Variants in FOXP1 observed in about 807,000 individuals in gnomAD.
The protein encoded by FOXP1 is forkhead box P1, also known as forkhead box protein P1.
In FOXP1, 15 loss-of-function variants were observed where a neutral mutation model predicts 98.2. The observed-to-expected ratio is 0.15, with a 90% confidence interval of 0.10 to 0.24. FOXP1 has a LOEUF of 0.24. Ranked by LOEUF, FOXP1 falls within the 10% of genes least tolerant of loss-of-function variation. The pLI is 1.00. For missense variants in FOXP1, 633 were observed against 848.5 expected (o/e 0.75, Z 3.15); for synonymous variants, 371 against 314.5 (o/e 1.18, Z -1.90).
In FOXP1 at chr3:70,959,410, G is replaced by A. The variant is rs775231831; in HGVS notation, c.1890-19C>T. The A allele has an allele frequency of 3.1e-6, 5 of 1,613,740 alleles. No individual in the cohort carries two copies. Among genetic ancestry groups the A allele is most frequent in the South Asian group, 1.1e-5 (1 of 91,062 alleles). On this transcript the variant is annotated intron_variant, in intron 20 of 20. Coordinates refer to ENST00000649528, the MANE Select transcript of FOXP1 (RefSeq NM_001349338.3). Reference sequence around the variant, plus strand: ...AGGATGCCTGGAAAAAATATGCAGAGGTTCAGTGAGGGTACTTCCCAGCCC... The same window carrying A: ...AGGATGCCTGGAAAAAATATGCAGAAGTTCAGTGAGGGTACTTCCCAGCCC...
chr3:71,046,205 T>C lies in FOXP1; in HGVS notation c.664+737A>G, dbSNP rs553144944. ...CAGAGTTGCTTAAACCAAGAGGATGTCCTAAAAACACCTAGAGTTCCCATT... is the reference window on the plus strand; with the variant it reads ...CAGAGTTGCTTAAACCAAGAGGATGCCCTAAAAACACCTAGAGTTCCCATT... On this transcript the variant is annotated intron_variant, in intron 10 of 20. Coordinates refer to ENST00000649528, the MANE Select transcript of FOXP1 (RefSeq NM_001349338.3). Among the ~76,000 whole-genome samples the C allele has an allele frequency of 2.4e-4, 37 of 152,308 alleles. No homozygotes were observed. In the South Asian group the frequency reaches 7.7e-3, roughly 32 times the overall value.
intron 3 of FOXP1, among the ~76,000 whole-genome samples, chr3:71,462,514 TC>T (rs1361159551): frequency 6.6e-6 from 1 of 152,160 alleles, no homozygotes; most frequent in East Asian, 1.9e-4. Context: ...AAGTTCTCCT[TC>T]TTGGTAAGCT....
At chr3:71,541,565 A>G (rs1401646964) in intron 2 of FOXP1, among the ~76,000 whole-genome samples, 2 of 152,220 alleles carry the variant, frequency 1.3e-5, no homozygotes, top group Non-Finnish European at 2.9e-5. Context: ...TTGAAATGTG[A>G]GGAGAGAAGC....
chr3:71,016,872 C>G (rs1292667844), intron 11 of FOXP1, among the ~76,000 whole-genome samples: 1 of 152,046 alleles, frequency 6.6e-6, no homozygotes, highest in Non-Finnish European at 1.5e-5. Context: ...AGTAAACACA[C>G]AGACACACAG....
chr3:71,341,189 C>T (rs998552845), intron 4 of FOXP1, among the ~76,000 whole-genome samples: 4 of 152,146 alleles, frequency 2.6e-5, no homozygotes, highest in African/African-American at 9.7e-5. Context: ...ACACTCTTCT[C>T]AAGGACACTC....
intron 18 of FOXP1, chr3:70,971,021 G>C: frequency 1.8e-6 from 1 of 546,988 alleles, no homozygotes; most frequent in Non-Finnish European, 3.3e-6. Flanking sequence ...AGGAAACTAG[G>C]TGTAAAATTC....
At chr3:71,254,129 A>T (rs1255145696) in intron 5 of FOXP1, among the ~76,000 whole-genome samples, 2 of 152,240 alleles carry the variant, frequency 1.3e-5, no homozygotes, top group Non-Finnish European at 2.9e-5. Flanking sequence ...AAATTTCTAA[A>T]CATTTAACTA....
chr3:71,320,123 A>C (rs1469948472), intron 4 of FOXP1, among the ~76,000 whole-genome samples: 4 of 152,136 alleles, frequency 2.6e-5, no homozygotes, highest in Admixed American at 1.3e-4. Context: ...ACAACGTTCC[A>C]TCAATTCCCA....
chr3:71,555,816 C>G (rs538011728), intron 2 of FOXP1, among the ~76,000 whole-genome samples: 1 of 152,202 alleles, frequency 6.6e-6, no homozygotes, highest in East Asian at 1.9e-4. Context: ...AATTCTAGAA[C>G]TGCGATTTTT....
At chr3:71,071,246 A>G in intron 7 of FOXP1, among the ~76,000 whole-genome samples, 1 of 152,222 alleles carries the variant, frequency 6.6e-6, no homozygotes. Flanking sequence ...TTAAGAACTC[A>G]GGAATGGAAT....
chr3:71,480,719 C>T (rs1577744708), intron 3 of FOXP1, among the ~76,000 whole-genome samples: 2 of 152,294 alleles, frequency 1.3e-5, no homozygotes, highest in East Asian at 3.9e-4. Flanking sequence ...CTCCTCAAAT[C>T]TTTCATAGCT....
intron 12 of FOXP1, among the ~76,000 whole-genome samples, chr3:71,012,996 T>C (rs1290704657): frequency 1.3e-5 from 2 of 152,234 alleles, no homozygotes; most frequent in Non-Finnish European, 2.9e-5. Flanking sequence ...ATTATGAATA[T>C]ATTTATATGA....
chr3:71,541,198 C>T (rs1470155661), intron 2 of FOXP1, among the ~76,000 whole-genome samples: 17 of 152,216 alleles, frequency 1.1e-4, no homozygotes, highest in Admixed American at 1.1e-3. Flanking sequence ...ACTTTCATCG[C>T]ACACCTATTT....
At chr3:71,312,832 CA>C (rs56825687) in intron 4 of FOXP1, among the ~76,000 whole-genome samples, 142,095 of 151,690 alleles carry the variant, frequency 0.94, 67,282 homozygotes, top group East Asian at 1. Flanking sequence ...CCAAAAAATA[CA>C]AAAAAAAATT....
intron 2 of FOXP1, among the ~76,000 whole-genome samples, chr3:71,518,254 C>G (rs779928902): frequency 7.5e-4 from 114 of 152,052 alleles, no homozygotes; most frequent in Non-Finnish European, 1.5e-3. Flanking sequence ...TCACCAGCAG[C>G]AAAAAGATTC....
At chr3:70,975,841 A>C (rs2037381935) in intron 17 of FOXP1, among the ~76,000 whole-genome samples, 1 of 152,272 alleles carries the variant, frequency 6.6e-6, no homozygotes, top group African/African-American at 2.4e-5. Flanking sequence ...GGATCAATCT[A>C]ATATAAGGGA....
At chr3:71,305,185 G>A (rs573640751) in intron 4 of FOXP1, among the ~76,000 whole-genome samples, 42 of 152,170 alleles carry the variant, frequency 2.8e-4, no homozygotes, top group African/African-American at 9.2e-4. Flanking sequence ...AAGACAGTAC[G>A]GGAACAAAAA....
At chr3:71,318,926 G>GTA (rs1560298439) in intron 4 of FOXP1, among the ~76,000 whole-genome samples, 1 of 152,170 alleles carries the variant, frequency 6.6e-6, no homozygotes, top group African/African-American at 2.4e-5. Context: ...GTTACTGAGC[G>GTA]TAAAGATGTG....
intron 13 of FOXP1, among the ~76,000 whole-genome samples, chr3:70,988,925 G>C (rs1001915734): frequency 2.6e-5 from 4 of 152,118 alleles, no homozygotes; most frequent in Admixed American, 2.6e-4. Flanking sequence ...AACAGCTGTG[G>C]CATTTAGGGA....
Sources: allele counts gnomAD v4.1 joint callset (sites outside exome capture counted in the v4.1 genomes callset), GRCh38; gene constraint gnomAD v4.1.1; transcripts MANE v1.5; gene names NCBI Gene and HGNC (gene_info 2026-07-23, HGNC 2026-07-21).